Variants in DCBLD2 observed in about 807,000 individuals in gnomAD.
DCBLD2 encodes discoidin, CUB and LCCL domain containing 2, also known as discoidin, CUB and LCCL domain-containing protein 2.
Under a neutral mutation model 86.8 loss-of-function variants are expected in DCBLD2, and 54 were observed. The ratio of observed to expected loss-of-function variants is 0.62; its 90% CI spans 0.50 to 0.78. The LOEUF is 0.78. DCBLD2 is among the 30% of genes least tolerant of loss of function. The pLI is 0.00. For synonymous variants in DCBLD2, 354 were observed against 341.3 expected (o/e 1.04, Z -0.41); for missense variants, 908 against 954.2 (o/e 0.95, Z 0.64).
chr3:98,852,278 G>A (rs991324767), intron 2 of DCBLD2, among the ~76,000 whole-genome samples: 8 of 145,416 alleles, frequency 5.5e-5, no homozygotes, highest in African/African-American at 1.0e-4. Flanking sequence ...AAGGAGTCTC[G>A]CTCTGTCACC....
chr3:98,820,210 A>G lies in DCBLD2; in HGVS notation c.871+38T>C, dbSNP rs1379560019. 8 of 1,310,202 alleles carry G rather than the reference A, an allele frequency of 6.1e-6. No homozygotes were observed. The South Asian group carries it at 8.8e-5, about 14-fold the overall frequency. The allele number at this position is 1,310,202 out of a possible 1,614,324, so 81.2% of individuals were successfully genotyped here. ...TGCCTAACAGTGTTCAAAAAATATT[A>G]TATAAATAAAAAATTATAAAGTCCA... On this transcript the variant is annotated intron_variant, in intron 7 of 15. Transcript: ENST00000326840.
chr3:98,810,818 C>T (rs1941925527), intron 12 of DCBLD2, among the ~76,000 whole-genome samples: 1 of 151,808 alleles, frequency 6.6e-6, no homozygotes, highest in South Asian at 2.1e-4. Flanking sequence ...CATCAAGTTC[C>T]CTATCCATCA....
chr3:98,801,931 A>G (rs1941730027), intron 13 of DCBLD2: 3 of 275,848 alleles, frequency 1.1e-5, no homozygotes, highest in Non-Finnish European at 2.1e-5. Context: ...TATATGTGCC[A>G]CATTTTCTTA....
At chr3:98,882,628 G>A (rs551283953) in intron 1 of DCBLD2, among the ~76,000 whole-genome samples, 64 of 152,196 alleles carry the variant, frequency 4.2e-4, no homozygotes, top group Non-Finnish European at 8.1e-4. Flanking sequence ...GTGTACGTGT[G>A]TTCTCATTGT....
At chr3:98,826,191 A>G (rs1318545308) in intron 3 of DCBLD2, among the ~76,000 whole-genome samples, 1 of 152,200 alleles carries the variant, frequency 6.6e-6, no homozygotes, top group Non-Finnish European at 1.5e-5. Context: ...AAACAAAACA[A>G]AACACACCAT....
rs899250503 is a variant in DCBLD2, at chr3:98,798,134, T to TAGC, written c.*1237_*1238insGCT. On this transcript the variant is annotated 3_prime_UTR_variant, in exon 16 of 16. Transcript: ENST00000326840. ...AAACAAGGCATGAATATTCATTTGC[T>TAGC]AGTAAGCTATAATGTCTGTTCCCTA... is the stretch of plus-strand genomic sequence containing the variant. 6.6e-6 allele frequency: 1 copy of TAGC among 152,216 alleles called. No individual in the cohort carries two copies. The highest frequency in any genetic ancestry group is 6.5e-5 in the Admixed American group (1 of 15,284). 9.4% of individuals were successfully genotyped at this position (152,216 alleles called of 1,614,324 possible).
chr3:98,844,137 T>C (rs1942675501), intron 3 of DCBLD2, among the ~76,000 whole-genome samples: 1 of 151,832 alleles, frequency 6.6e-6, no homozygotes, highest in South Asian at 2.1e-4. Flanking sequence ...ATATATTTCT[T>C]TTGAGTTCAC....
chr3:98,801,742 T>C (rs1941724210), intron 13 of DCBLD2, 93 bp from the exon 14 acceptor site: 6 of 863,552 alleles, frequency 6.9e-6, no homozygotes, highest in Non-Finnish European at 9.0e-6. Flanking sequence ...TATGTGATAT[T>C]CCCCTTCCTG....
chr3:98,839,929 G>A (rs7638161), intron 3 of DCBLD2, among the ~76,000 whole-genome samples: 6,531 of 152,266 alleles, frequency 0.043, 408 homozygotes, highest in East Asian at 0.21. Flanking sequence ...CGGTGAGGGA[G>A]TGAGGTGTTA....
intron 1 of DCBLD2, among the ~76,000 whole-genome samples, chr3:98,888,366 T>C (rs1943596797): frequency 6.6e-6 from 1 of 151,998 alleles, no homozygotes; most frequent in South Asian, 2.1e-4. Flanking sequence ...AACTCCACCA[T>C]GCACATACTC....
chr3:98,840,202 T>C (rs879433338), intron 3 of DCBLD2, among the ~76,000 whole-genome samples: 30 of 152,166 alleles, frequency 2.0e-4, no homozygotes, highest in Admixed American at 1.7e-3. Flanking sequence ...ATTGCCGTAA[T>C]TGAGGTAAAA....
chr3:98,800,994 C>T lies in DCBLD2; in HGVS notation c.1721-278G>A, dbSNP rs542586013. 3.3e-5 allele frequency among the ~76,000 whole-genome samples: 5 copies of T among 151,630 alleles called. No individual in the cohort carries two copies. In the South Asian group the frequency reaches 1.0e-3, roughly 31 times the overall value. On this transcript the variant is annotated intron_variant, in intron 14 of 15. Coordinates refer to ENST00000326840, the MANE Select transcript of DCBLD2 (RefSeq NM_080927.4). ...TCTATTTTAGGGGTGGCCTTAATTA[C>T]ATTTTTCCCAAAAAATATTTTCCAA...
intron 13 of DCBLD2, chr3:98,805,062 A>G (rs1941807645): frequency 6.6e-6 from 1 of 152,362 alleles, no homozygotes; most frequent in Non-Finnish European, 1.5e-5. Flanking sequence ...CAATGTTAGT[A>G]TATGTGCTGC....
chr3:98,822,760 CA>C lies in DCBLD2; in HGVS notation c.624-20del. ...GTACTTACTGAGAAATGAAAACAAG[CA>C]AAAGGTTACATAATGCTGTATTTTA... On this transcript the variant is annotated intron_variant, in intron 4 of 15. Coordinates refer to ENST00000326840, the MANE Select transcript of DCBLD2 (RefSeq NM_080927.4). 1 of 1,564,486 alleles carries C rather than the reference CA, an allele frequency of 6.4e-7. No homozygotes were observed. Among genetic ancestry groups the C allele is most frequent in the Admixed American group, 2.0e-5 (1 of 51,048 alleles).
intron 2 of DCBLD2, among the ~76,000 whole-genome samples, chr3:98,859,943 T>C (rs528171796): frequency 5.3e-5 from 8 of 152,290 alleles, no homozygotes; most frequent in East Asian, 1.9e-4. Context: ...AGGAAGAAGT[T>C]TGAACACAAC....
At chr3:98,866,803 C>T (rs200839879) in intron 2 of DCBLD2, among the ~76,000 whole-genome samples, 26 of 152,144 alleles carry the variant, frequency 1.7e-4, no homozygotes, top group Admixed American at 1.4e-3. Flanking sequence ...CTGAATGGTA[C>T]TGCCTAGGTT....
chr3:98,839,183 C>CTCTCTTTCCTTT (rs1559781619), intron 3 of DCBLD2, among the ~76,000 whole-genome samples: 1 of 51,924 alleles, frequency 1.9e-5, no homozygotes, highest in African/African-American at 1.0e-4. Flanking sequence ...TTTCTTTCTT[C>CTCTCTTTCCTTT]CTTCCTTCCT....
intron 2 of DCBLD2, among the ~76,000 whole-genome samples, chr3:98,869,600 G>A (rs547685555): frequency 6.6e-6 from 1 of 152,304 alleles, no homozygotes; most frequent in Admixed American, 6.5e-5. Flanking sequence ...TCAAAAAAAG[G>A]TGTGGCTTGC....
At chr3:98,892,241 T>C (rs1943674411) in intron 1 of DCBLD2, among the ~76,000 whole-genome samples, 1 of 152,074 alleles carries the variant, frequency 6.6e-6, no homozygotes, top group South Asian at 2.1e-4. Context: ...CGGATGAGGA[T>C]ACCACCACCC....
Sources: gnomAD v4.1 joint callset for allele counts (sites outside exome capture counted in the v4.1 genomes callset) on GRCh38, gnomAD v4.1.1 for gene constraint, MANE v1.5 for transcripts, NCBI Gene and HGNC (gene_info 2026-07-23, HGNC 2026-07-21) for gene names.